Variants in GSTA2 observed in about 807,000 individuals in gnomAD.
GSTA2 encodes the protein glutathione S-transferase A2.
A neutral mutation model predicts 22.4 loss-of-function variants in GSTA2; 27 were observed. That is an observed-to-expected ratio of 1.21 (90% CI 0.89 to 1.67). The LOEUF is 1.67. GSTA2 is among the 40% of genes most tolerant of loss of function. GSTA2 has a pLI of 0.00. For missense variants in GSTA2, 302 were observed against 260.2 expected (o/e 1.16, Z -1.11); for synonymous variants, 121 against 86.8 (o/e 1.39, Z -2.19).
At chr6:52,750,932 T>C (rs1157273530) in intron 6 of GSTA2, among the ~76,000 whole-genome samples, 1 of 152,214 alleles carries the variant, frequency 6.6e-6, no homozygotes, top group Non-Finnish European at 1.5e-5. Context: ...GTCATCCCTA[T>C]CTTTCTTCTT....
chr6:52,762,645 G>T (rs576087792), intron 1 of GSTA2, among the ~76,000 whole-genome samples: 1 of 152,284 alleles, frequency 6.6e-6, no homozygotes, highest in African/African-American at 2.4e-5. Context: ...CTCAGAGACT[G>T]GCGCCAGCGC....
chr6:52,756,491 A>G (rs1762848341), intron 2 of GSTA2, among the ~76,000 whole-genome samples, 182 bp from the exon 3 acceptor site: 1 of 152,224 alleles, frequency 6.6e-6, no homozygotes, highest in Non-Finnish European at 1.5e-5. Flanking sequence ...AGAAAAGTGC[A>G]TGGGTCACAG....
rs1762720667 is a variant in GSTA2, at chr6:52,750,681, T to A, written c.565A>T (p.Ser189Cys). 1 of 1,612,828 alleles carries A rather than the reference T, an allele frequency of 6.2e-7. No homozygotes were observed. The highest frequency in any genetic ancestry group is 1.3e-5 in the African/African-American group (1 of 74,886). Residue 189 changes from serine to cysteine, a missense_variant, in exon 7 of 7, where the codon AGT becomes TGT. Coordinates refer to ENST00000493422, the MANE Select transcript of GSTA2 (RefSeq NM_000846.5). ...PLLKALKTRI[S>C]NLPTVKKFLQ... ...AACTTCTTCACTGTGGGCAGGTTAC[T>A]GATTCTGGTTTTCAGGGCCTGTAAT...
intron 2 of GSTA2, among the ~76,000 whole-genome samples, chr6:52,756,622 T>C (rs564868531): frequency 6.6e-6 from 1 of 152,336 alleles, no homozygotes; most frequent in South Asian, 2.1e-4. Context: ...CTTCTAGTTA[T>C]GGTGTTGTCA....
intron 1 of GSTA2, 122 bp downstream of exon 1, chr6:52,763,322 G>T (rs889810604): frequency 5.9e-5 from 10 of 169,066 alleles, no homozygotes; most frequent in African/African-American, 2.1e-4. Flanking sequence ...ACACCAAGAT[G>T]GCATGATATG....
At chr6:52,756,856 C>T (rs1237845667) in intron 2 of GSTA2, among the ~76,000 whole-genome samples, 2 of 152,196 alleles carry the variant, frequency 1.3e-5, no homozygotes, top group Non-Finnish European at 2.9e-5. Flanking sequence ...TTCTGAAGTA[C>T]GTGAGACACA....
intron 5 of GSTA2, 113 bp from the exon 6 acceptor site, chr6:52,751,821 G>A: frequency 6.8e-7 from 1 of 1,464,462 alleles, no homozygotes; most frequent in Non-Finnish European, 9.5e-7. Context: ...CTTACTGCAT[G>A]GATGCAGAAA....
In GSTA2 at chr6:52,751,620, T is replaced by C. The variant is rs776964583; in HGVS notation, c.503A>G (p.Glu168Gly). The C allele has an allele frequency of 6.2e-7, 1 of 1,614,112 alleles. No homozygotes were observed. Among genetic ancestry groups the C allele is most frequent in the Non-Finnish European group, 8.5e-7 (1 of 1,180,004 alleles). ...GGAAATAAGGCTAGAGTCAAGCTCT[T>C]CCACGTAGTAGAGAAGTTCCACCAG... ...IHLVELLYYV[E>G]ELDSSLISSF... The change falls in exon 6 of 7, where the codon GAA becomes GGA. Residue 168 changes from glutamate (E) to glycine (G), a missense_variant. Glu to Gly is a moderately conservative substitution (Grantham distance 98). Transcript: ENST00000493422.
At chr6:52,762,875 G>T (rs1013854018) in intron 1 of GSTA2, among the ~76,000 whole-genome samples, 2 of 152,176 alleles carry the variant, frequency 1.3e-5, no homozygotes, top group Admixed American at 1.3e-4. Context: ...GCAACAGTCA[G>T]AGCCTCTTTC....
intron 1 of GSTA2, among the ~76,000 whole-genome samples, chr6:52,763,101 T>C (rs1457106878): frequency 6.6e-6 from 1 of 152,200 alleles, no homozygotes; most frequent in Non-Finnish European, 1.5e-5. Flanking sequence ...ACTATATATA[T>C]AAAGAAATTT....
At chr6:52,751,067 A>G (rs1762726686) in intron 6 of GSTA2, among the ~76,000 whole-genome samples, 1 of 152,182 alleles carries the variant, frequency 6.6e-6, no homozygotes, top group Non-Finnish European at 1.5e-5. Context: ...TTGGAAAGGA[A>G]AATGTTATAG....
chr6:52,760,387 T>C (rs1314543413), intron 1 of GSTA2, among the ~76,000 whole-genome samples: 1 of 152,206 alleles, frequency 6.6e-6, no homozygotes, highest in Non-Finnish European at 1.5e-5. Flanking sequence ...ACCATTGAGC[T>C]TTGTTGGGTC....
At chr6:52,752,213 G>T (rs746089608) in intron 5 of GSTA2, among the ~76,000 whole-genome samples, 1 of 152,172 alleles carries the variant, frequency 6.6e-6, no homozygotes, top group African/African-American at 2.4e-5. Context: ...CCTGAGATCT[G>T]TAGGAAACCT....
At chr6:52,756,449 T>C (rs1762847844) in intron 2 of GSTA2, 140 bp from the exon 3 acceptor site, 4 of 640,732 alleles carry the variant, frequency 6.2e-6, no homozygotes, top group Non-Finnish European at 1.1e-5. Flanking sequence ...GGGCTAGTCA[T>C]GGCCATTTGG....
At chr6:52,758,378 A>G (rs901566091) in intron 1 of GSTA2, among the ~76,000 whole-genome samples, 7 of 152,204 alleles carry the variant, frequency 4.6e-5, no homozygotes, top group Admixed American at 4.6e-4. Flanking sequence ...AGTCCCATGA[A>G]ATGATTATCT....
At chr6:52,758,780 G>T (rs1762897578) in intron 1 of GSTA2, among the ~76,000 whole-genome samples, 1 of 152,226 alleles carries the variant, frequency 6.6e-6, no homozygotes, top group Non-Finnish European at 1.5e-5. Context: ...TGGAAGAAGA[G>T]ATGTTGCTGC....
chr6:52,757,795 C>T, intron 2 of GSTA2, 66 bp downstream of exon 2: 10 of 1,330,584 alleles, frequency 7.5e-6, no homozygotes, highest in Non-Finnish European at 7.6e-6. Flanking sequence ...CTCATAGTTT[C>T]TGTGGGAAAA....
chr6:52,760,283 A>T (rs1442724066), intron 1 of GSTA2, among the ~76,000 whole-genome samples: 1 of 152,216 alleles, frequency 6.6e-6, no homozygotes, highest in Non-Finnish European at 1.5e-5. Context: ...TTTATCTTAC[A>T]TAATATTTTA....
At chr6:52,759,401 C>A (rs1431895595) in intron 1 of GSTA2, among the ~76,000 whole-genome samples, 5 of 152,054 alleles carry the variant, frequency 3.3e-5, no homozygotes, top group Admixed American at 6.6e-5. Flanking sequence ...ACACAGGACT[C>A]ATTGAAAGAA....
Sources: gnomAD v4.1 joint callset for allele counts (sites outside exome capture counted in the v4.1 genomes callset) on GRCh38, gnomAD v4.1.1 for gene constraint, MANE v1.5 for transcripts, NCBI Gene and HGNC (gene_info 2026-07-23, HGNC 2026-07-21) for gene names.